The following CDH18 variants were observed in gnomAD, a reference collection of about 807,000 sequenced individuals.
The protein encoded by CDH18 is cadherin 18, also known as cadherin-18.
Under a neutral mutation model 67.9 loss-of-function variants are expected in CDH18, and 31 were observed. The ratio of observed to expected loss-of-function variants is 0.46; its 90% CI spans 0.34 to 0.62. The LOEUF (loss-of-function observed/expected upper bound fraction) is 0.62, where lower values mean the gene tolerates loss of function less well. Ranked by LOEUF, CDH18 falls within the 20% of genes least tolerant of loss-of-function variation. The pLI, the probability that CDH18 is intolerant of heterozygous loss-of-function variation, is 0.01. For missense variants in CDH18, 890 were observed against 975.5 expected, an observed-to-expected ratio of 0.91 and a Z score of 1.17; for synonymous variants, 362 against 347.2, an observed-to-expected ratio of 1.04 and a Z score of -0.48.
At chr5:19,878,047 T>C (rs1351022897) in intron 2 of CDH18, 2 of 152,078 alleles carry the variant, frequency 1.3e-5, no homozygotes, top group East Asian at 1.9e-4. Context: ...TGTAAGAAGG[T>C]AGTTGTAGAA....
At chr5:20,308,838 T>C (rs557793146) in intron 1 of CDH18, among the ~76,000 whole-genome samples, 1 of 150,750 alleles carries the variant, frequency 6.6e-6, no homozygotes, top group South Asian at 2.2e-4. Flanking sequence ...TACCTAGATA[T>C]AGACAATTAT....
chr5:20,030,765 C>T (rs1039234970), intron 2 of CDH18, among the ~76,000 whole-genome samples: 1 of 152,090 alleles, frequency 6.6e-6, no homozygotes, highest in Non-Finnish European at 1.5e-5. Flanking sequence ...TTAGGCCATG[C>T]AGAGTGTCCT....
At chr5:20,566,242 G>C (rs1273875610) in intron 1 of CDH18, among the ~76,000 whole-genome samples, 1 of 152,024 alleles carries the variant, frequency 6.6e-6, no homozygotes, top group Non-Finnish European at 1.5e-5. Flanking sequence ...AGGAAGCAGA[G>C]GAAGGAAGCT....
chr5:20,072,565 T>A (rs539736419), intron 2 of CDH18, among the ~76,000 whole-genome samples: 1 of 151,962 alleles, frequency 6.6e-6, no homozygotes, highest in Non-Finnish European at 1.5e-5. Flanking sequence ...GGAGAAGTGA[T>A]ATTTTAAAAC....
intron 1 of CDH18, among the ~76,000 whole-genome samples, chr5:20,422,790 T>C (rs1270961680): frequency 3.3e-5 from 5 of 151,166 alleles, no homozygotes; most frequent in Non-Finnish European, 7.3e-5. Flanking sequence ...TAAGTGTTTA[T>C]AGAGAGAAAT....
chr5:20,386,790 C>T (rs557125143), intron 1 of CDH18, among the ~76,000 whole-genome samples: 2 of 150,728 alleles, frequency 1.3e-5, no homozygotes, highest in Non-Finnish European at 3.0e-5. Context: ...CTGAAAGCTA[C>T]AGTTATCCCA....
chr5:20,261,801 A>G (rs1744679978), intron 1 of CDH18, among the ~76,000 whole-genome samples: 1 of 152,144 alleles, frequency 6.6e-6, no homozygotes, highest in South Asian at 2.1e-4. Context: ...ACCTAAAATG[A>G]TAATTCAGAT....
intron 2 of CDH18, among the ~76,000 whole-genome samples, chr5:20,094,758 G>T (rs1745734652): frequency 6.6e-6 from 1 of 151,942 alleles, no homozygotes; most frequent in Non-Finnish European, 1.5e-5. Flanking sequence ...GATTCCTCAA[G>T]GATCTAGAAC....
intron 8 of CDH18, among the ~76,000 whole-genome samples, chr5:19,547,825 G>A (rs1372235467): frequency 2.6e-5 from 4 of 152,110 alleles, no homozygotes; most frequent in Non-Finnish European, 4.4e-5. Context: ...TCTTATTCAC[G>A]AAGTTGCAAT....
chr5:19,851,920 C>T (rs1783750967), intron 2 of CDH18, among the ~76,000 whole-genome samples: 1 of 151,848 alleles, frequency 6.6e-6, no homozygotes. Flanking sequence ...TTCTATGTTA[C>T]ACAAGAAACA....
chr5:19,762,963 C>G (rs1203645491), intron 3 of CDH18, among the ~76,000 whole-genome samples: 2 of 152,060 alleles, frequency 1.3e-5, no homozygotes, highest in Admixed American at 6.6e-5. Flanking sequence ...ATGGATGAAG[C>G]TGGAAACCGT....
At chr5:20,260,034 G>A (rs546021684) in intron 1 of CDH18, among the ~76,000 whole-genome samples, 65 of 151,880 alleles carry the variant, frequency 4.3e-4, no homozygotes, top group African/African-American at 1.5e-3. Flanking sequence ...AGTTCAAAAC[G>A]TCAAGAAGAC....
intron 2 of CDH18, among the ~76,000 whole-genome samples, chr5:20,015,981 T>C (rs529071953): frequency 1.3e-5 from 2 of 152,208 alleles, no homozygotes; most frequent in East Asian, 3.9e-4. Context: ...AAAGGGAATA[T>C]AAATTGTTCT....
At chr5:20,262,190 A>C (rs560089042) in intron 1 of CDH18, among the ~76,000 whole-genome samples, 1 of 152,326 alleles carries the variant, frequency 6.6e-6, no homozygotes, top group African/African-American at 2.4e-5. Context: ...ATTGTTGTTA[A>C]ATTGTGATAA....
chr5:19,651,391 C>T (rs527848496), intron 5 of CDH18, among the ~76,000 whole-genome samples: 3 of 152,136 alleles, frequency 2.0e-5, no homozygotes, highest in East Asian at 1.9e-4. Context: ...TAGTTCAATA[C>T]GTAGTTCTGA....
rs545389687 is a variant in CDH18 at position 20,373,806 on chromosome 5, T to C, written c.-579-118301A>G. On this transcript the variant is annotated intron_variant, in intron 1 of 14. Coordinates refer to the CDH18 transcript ENST00000507958. The stretch of plus-strand genomic sequence containing the variant: ...CACACTCAAAATCTGTTTGAACATT[T>C]CATTTATGCTATTATTGACAATCTG... Among the ~76,000 whole-genome samples, 7 of 152,096 alleles carry C rather than the reference T, an allele frequency of 4.6e-5. No individual in the cohort carries two copies. The South Asian group carries it at 8.3e-4, about 18-fold the overall frequency.
At chr5:20,408,837 A>G (rs1746522507) in intron 1 of CDH18, among the ~76,000 whole-genome samples, 1 of 151,804 alleles carries the variant, frequency 6.6e-6, no homozygotes, top group African/African-American at 2.4e-5. Flanking sequence ...GTTTTCTACA[A>G]GAGATTCTAG....
At chr5:20,123,047 A>G (rs1748497405) in intron 2 of CDH18, among the ~76,000 whole-genome samples, 1 of 148,524 alleles carries the variant, frequency 6.7e-6, no homozygotes, top group Non-Finnish European at 1.5e-5. Flanking sequence ...TAAATGTATT[A>G]TATGTATCTT....
At chr5:20,275,506 T>G (rs2940463) in intron 1 of CDH18, among the ~76,000 whole-genome samples, 17,796 of 152,176 alleles carry the variant, frequency 0.12, 1,577 homozygotes, top group African/African-American at 0.24. Flanking sequence ...TATAGCAATG[T>G]GAAAACTGAC....
Sources: allele counts gnomAD v4.1 joint callset (sites outside exome capture counted in the v4.1 genomes callset), GRCh38; gene constraint gnomAD v4.1.1; transcripts MANE v1.5; gene names NCBI Gene and HGNC (gene_info 2026-07-23, HGNC 2026-07-21).